Variants in CTNNA3 observed in about 807,000 individuals in gnomAD.
CTNNA3 encodes catenin alpha 3.
In CTNNA3, 76 loss-of-function variants were observed where a neutral mutation model predicts 95.7. The ratio of observed to expected loss-of-function variants is 0.79; its 90% CI spans 0.66 to 0.96. The LOEUF is 0.96. Ranked by LOEUF, CTNNA3 falls within the 40% of genes least tolerant of loss-of-function variation. The pLI, the probability that CTNNA3 is intolerant of heterozygous loss-of-function variation, is 0.00. For synonymous variants in CTNNA3, 431 were observed against 374.4 expected (o/e 1.15, Z -1.74); for missense variants, 1,191 against 1,089.8 (o/e 1.09, Z -1.31).
intron 11 of CTNNA3, among the ~76,000 whole-genome samples, chr10:66,485,099 C>T (rs1269656318): frequency 1.3e-5 from 2 of 151,956 alleles, no homozygotes; most frequent in African/African-American, 2.4e-5. Context: ...ATAATATAGG[C>T]CATATAAAAG....
chr10:66,039,207 CA>C (rs1427228382), intron 15 of CTNNA3, among the ~76,000 whole-genome samples: 1 of 152,124 alleles, frequency 6.6e-6, no homozygotes, highest in Non-Finnish European at 1.5e-5. Context: ...AAGATATCTA[CA>C]AGGAGAACTA....
chr10:66,120,449 G>A (rs1408436253), intron 13 of CTNNA3, among the ~76,000 whole-genome samples: 3 of 151,836 alleles, frequency 2.0e-5, no homozygotes, highest in African/African-American at 7.3e-5. Flanking sequence ...AATTTGTCCT[G>A]GTCCAGTTAT....
chr10:66,622,914 T>C (rs1203041865), intron 9 of CTNNA3, among the ~76,000 whole-genome samples: 1 of 152,106 alleles, frequency 6.6e-6, no homozygotes, highest in African/African-American at 2.4e-5. Flanking sequence ...GTGAAATAAC[T>C]CCTCGGTTTT....
intron 12 of CTNNA3, among the ~76,000 whole-genome samples, chr10:66,317,094 T>C (rs907055712): frequency 6.6e-6 from 1 of 152,128 alleles, no homozygotes; most frequent in Admixed American, 6.5e-5. Flanking sequence ...TTATATCAAA[T>C]GTAAGTGAAA....
At chr10:67,497,492 C>G (rs1564693499) in intron 5 of CTNNA3, among the ~76,000 whole-genome samples, 1 of 152,098 alleles carries the variant, frequency 6.6e-6, no homozygotes, top group African/African-American at 2.4e-5. Context: ...GTTCTACATC[C>G]TTGAGGAATT....
intron 7 of CTNNA3, among the ~76,000 whole-genome samples, chr10:67,024,253 C>A (rs1372507047): frequency 6.6e-6 from 1 of 152,212 alleles, no homozygotes; most frequent in African/African-American, 2.4e-5. Flanking sequence ...TCCTCTCTAG[C>A]TGCTTCAGTC....
chr10:66,712,163 G>A (rs1210630888), intron 9 of CTNNA3, among the ~76,000 whole-genome samples: 1 of 152,128 alleles, frequency 6.6e-6, no homozygotes, highest in East Asian at 1.9e-4. Flanking sequence ...ATCTTAGAAA[G>A]GGAAGGATGG....
At chr10:66,309,934 TAAATAAATA>T (rs2091992174) in intron 12 of CTNNA3, among the ~76,000 whole-genome samples, 3 of 142,734 alleles carry the variant, frequency 2.1e-5, no homozygotes, top group Non-Finnish European at 4.6e-5. Context: ...AATAAATAAA[TAAATAAATA>T]AATAAATAAA....
chr10:67,282,055 G>T (rs898843725), intron 5 of CTNNA3, among the ~76,000 whole-genome samples: 3 of 152,030 alleles, frequency 2.0e-5, no homozygotes, highest in African/African-American at 7.2e-5. Context: ...GATAATACCA[G>T]TATGTCCTAT....
chr10:66,687,736 C>CACACAT (rs1554835563), intron 9 of CTNNA3, among the ~76,000 whole-genome samples: 1 of 147,638 alleles, frequency 6.8e-6, no homozygotes, highest in African/African-American at 2.6e-5. Context: ...CACACACATA[C>CACACAT]ACACACACAC....
intron 7 of CTNNA3, among the ~76,000 whole-genome samples, chr10:67,013,354 T>G (rs1376581703): frequency 6.6e-6 from 1 of 152,232 alleles, no homozygotes; most frequent in Admixed American, 6.5e-5. Context: ...TTAATAGATA[T>G]GTTTTCCTTT....
intron 12 of CTNNA3, among the ~76,000 whole-genome samples, chr10:66,330,160 T>C (rs2092306858): frequency 6.6e-6 from 1 of 152,014 alleles, no homozygotes; most frequent in South Asian, 2.1e-4. Flanking sequence ...GTTGGTGTGC[T>C]GCATCCATTA....
At chr10:67,662,636 C>T (rs1021988296) in intron 1 of CTNNA3, among the ~76,000 whole-genome samples, 1 of 152,184 alleles carries the variant, frequency 6.6e-6, no homozygotes, top group African/African-American at 2.4e-5. Context: ...ATTTATATAA[C>T]ATTTTTGAAA....
intron 1 of CTNNA3, among the ~76,000 whole-genome samples, chr10:67,659,707 T>C (rs985756770): frequency 3.9e-5 from 6 of 152,228 alleles, no homozygotes; most frequent in Admixed American, 1.3e-4. Flanking sequence ...GCAGAAGTAA[T>C]GTGCCCTTCA....
intron 9 of CTNNA3, among the ~76,000 whole-genome samples, chr10:66,761,263 G>T (rs1839587739): frequency 6.6e-6 from 1 of 151,946 alleles, no homozygotes; most frequent in Non-Finnish European, 1.5e-5. Flanking sequence ...CTTTGTAGGT[G>T]GTAGGGAAGT....
At chr10:66,910,527 T>C (rs1428189510) in intron 7 of CTNNA3, among the ~76,000 whole-genome samples, 1 of 152,228 alleles carries the variant, frequency 6.6e-6, no homozygotes. Flanking sequence ...ATCAGAATTT[T>C]ATTCTCTAGA....
chr10:66,483,801 T>G (rs1432636507), intron 11 of CTNNA3, among the ~76,000 whole-genome samples: 1 of 152,110 alleles, frequency 6.6e-6, no homozygotes, highest in Non-Finnish European at 1.5e-5. Context: ...TTAGAAATCG[T>G]TAAGACTAAG....
In CTNNA3 at chr10:65,914,243, T is replaced by C. The variant is rs970740065; in HGVS notation, c.*6087A>G. 5 of 152,112 alleles carry C rather than the reference T, an allele frequency of 3.3e-5. No individual in the cohort carries two copies. Among genetic ancestry groups the C allele is most frequent in the Non-Finnish European group, 5.9e-5 (4 of 68,014 alleles). 9.4% of individuals were successfully genotyped at this position (152,112 alleles called of 1,614,324 possible). A position where few individuals can be genotyped will look rare whatever the true frequency, so the allele number is the denominator to read the frequency against. ...CCTTGAGGGCTTTCCTTTCCTACAGTTGGGAATAGGCACCATCATGACTAC... is the reference window on the plus strand; with the variant it reads ...CCTTGAGGGCTTTCCTTTCCTACAGCTGGGAATAGGCACCATCATGACTAC... On this transcript the variant is annotated 3_prime_UTR_variant, in exon 18 of 18. Coordinates refer to ENST00000433211, the MANE Select transcript of CTNNA3 (RefSeq NM_013266.4).
Position 67,356,168 on chromosome 10 carries a change from G to A in CTNNA3, c.580-136298C>T, listed in dbSNP as rs114028200. On this transcript the variant is annotated intron_variant, in intron 5 of 17. Transcript: ENST00000433211. ...CTCTGGAGAACATAAAGTCCCTCAT[G>A]TTCTATCTCCTCCTGAATACTGCCT... 4.8e-3 allele frequency among the ~76,000 whole-genome samples: 737 copies of A among 152,108 alleles called. 5 individuals carry two copies. The highest frequency in any genetic ancestry group is 0.017 in the African/African-American group (689 of 41,514).
Sources: gnomAD v4.1 joint callset for allele counts (sites outside exome capture counted in the v4.1 genomes callset) on GRCh38, gnomAD v4.1.1 for gene constraint, MANE v1.5 for transcripts, NCBI Gene and HGNC (gene_info 2026-07-23, HGNC 2026-07-21) for gene names.